UNC5C: variants seen among roughly 807,000 people sequenced by gnomAD.
UNC5C encodes the protein unc-5 netrin receptor C.
In UNC5C, 47 loss-of-function variants were observed where a neutral mutation model predicts 99.8. The observed-to-expected ratio is 0.47, with a 90% CI of 0.37 to 0.60. The LOEUF (loss-of-function observed/expected upper bound fraction) is 0.60. Ranked by LOEUF, UNC5C falls within the 20% of genes least tolerant of loss-of-function variation. The pLI, the probability that UNC5C is intolerant of heterozygous loss-of-function variation, is 0.00. For missense variants in UNC5C, 1,062 were observed against 1,165.9 expected (o/e 0.91, Z 1.30); for synonymous variants, 487 against 452.2 (o/e 1.08, Z -0.98).
At chr4:95,487,227 C>A (rs768990953) in intron 1 of UNC5C, among the ~76,000 whole-genome samples, 5 of 151,736 alleles carry the variant, frequency 3.3e-5, no homozygotes, top group Non-Finnish European at 7.4e-5. Context: ...ATTTGGGATC[C>A]TTGGTGTCTA....
chr4:95,499,082 T>A (rs567959516), intron 1 of UNC5C, among the ~76,000 whole-genome samples: 1 of 152,150 alleles, frequency 6.6e-6, no homozygotes, highest in East Asian at 1.9e-4. Context: ...GTAAGAAAAA[T>A]ATTTTAAGGT....
At chr4:95,314,801 T>C (rs1041485552) in intron 2 of UNC5C, among the ~76,000 whole-genome samples, 1 of 152,192 alleles carries the variant, frequency 6.6e-6, no homozygotes, top group Non-Finnish European at 1.5e-5. Flanking sequence ...TGATTGACTG[T>C]AAAGAAAATG....
intron 1 of UNC5C, among the ~76,000 whole-genome samples, chr4:95,402,198 A>G (rs1175223176): frequency 6.6e-6 from 1 of 152,216 alleles, no homozygotes; most frequent in Non-Finnish European, 1.5e-5. Context: ...AATTGATGCC[A>G]TTATACATCT....
intron 1 of UNC5C, among the ~76,000 whole-genome samples, chr4:95,422,608 C>T (rs976080863): frequency 1.3e-5 from 2 of 152,114 alleles, no homozygotes; most frequent in Admixed American, 6.5e-5. Flanking sequence ...CAACAACATC[C>T]GTCGCCTCAA....
chr4:95,245,713 G>A (rs377505413), intron 5 of UNC5C, among the ~76,000 whole-genome samples: 14 of 152,166 alleles, frequency 9.2e-5, no homozygotes, highest in Admixed American at 8.5e-4. Context: ...GTTACTTGGC[G>A]ATTAGTTGAT....
intron 1 of UNC5C, among the ~76,000 whole-genome samples, chr4:95,343,072 C>T (rs965099501): frequency 3.3e-5 from 5 of 152,076 alleles, no homozygotes; most frequent in East Asian, 1.9e-4. Flanking sequence ...CCTCTGGATC[C>T]GCACAGGGCT....
At chr4:95,443,346 T>A (rs1308975488) in intron 1 of UNC5C, among the ~76,000 whole-genome samples, 7 of 152,168 alleles carry the variant, frequency 4.6e-5, no homozygotes, top group Non-Finnish European at 1.0e-4. Flanking sequence ...TCAAGTATAA[T>A]TAGAAACTAC....
chr4:95,361,906 T>C (rs1042991543), intron 1 of UNC5C, among the ~76,000 whole-genome samples: 2 of 152,094 alleles, frequency 1.3e-5, no homozygotes, highest in African/African-American at 4.8e-5. Flanking sequence ...TGTTCTTCAG[T>C]GTTCTCAGAG....
chr4:95,380,711 C>T (rs1372465543), intron 1 of UNC5C, among the ~76,000 whole-genome samples: 1 of 152,186 alleles, frequency 6.6e-6, no homozygotes, highest in Non-Finnish European at 1.5e-5. Context: ...CTGTGTGTAA[C>T]AAACAATCCC....
intron 7 of UNC5C, among the ~76,000 whole-genome samples, chr4:95,234,148 C>T (rs1035987098): frequency 1.3e-5 from 2 of 152,038 alleles, no homozygotes; most frequent in African/African-American, 4.8e-5. Context: ...AATGTAAAGC[C>T]TATTTCAAAA....
intron 1 of UNC5C, among the ~76,000 whole-genome samples, chr4:95,424,364 A>G (rs1456984006): frequency 6.6e-6 from 1 of 151,968 alleles, no homozygotes; most frequent in African/African-American, 2.4e-5. Context: ...TATGAAGAGT[A>G]GGAAATACCG....
At chr4:95,372,091 C>G (rs537042851) in intron 1 of UNC5C, among the ~76,000 whole-genome samples, 2 of 152,158 alleles carry the variant, frequency 1.3e-5, no homozygotes, top group Admixed American at 1.3e-4. Flanking sequence ...CCCTAGACAC[C>G]CATGCCTGTT....
At chr4:95,396,048 C>T (rs944170375) in intron 1 of UNC5C, among the ~76,000 whole-genome samples, 5 of 152,130 alleles carry the variant, frequency 3.3e-5, no homozygotes, top group African/African-American at 4.8e-5. Context: ...AGGAACCATC[C>T]GGCAGGCTAT....
At chr4:95,376,382 T>C (rs1744896680) in intron 1 of UNC5C, among the ~76,000 whole-genome samples, 1 of 152,120 alleles carries the variant, frequency 6.6e-6, no homozygotes, top group African/African-American at 2.4e-5. Context: ...AGAAAATAGA[T>C]TCCTTTTAAA....
intron 1 of UNC5C, among the ~76,000 whole-genome samples, chr4:95,402,281 A>C (rs1745722964): frequency 6.6e-6 from 1 of 152,100 alleles, no homozygotes; most frequent in Non-Finnish European, 1.5e-5. Flanking sequence ...TATTCATCAG[A>C]TGTACATTTT....
At chr4:95,461,273 G>T (rs1382289207) in intron 1 of UNC5C, among the ~76,000 whole-genome samples, 1 of 152,196 alleles carries the variant, frequency 6.6e-6, no homozygotes, top group African/African-American at 2.4e-5. Context: ...TTCCCATGAA[G>T]TTAAGATGTG....
At chr4:95,342,791 G>A (rs1303395600) in intron 1 of UNC5C, among the ~76,000 whole-genome samples, 1 of 151,512 alleles carries the variant, frequency 6.6e-6, no homozygotes, top group Non-Finnish European at 1.5e-5. Flanking sequence ...GCCAAAGGGG[G>A]GCCCACTGCC....
chr4:95,415,629 T>C (rs1746140201), intron 1 of UNC5C, among the ~76,000 whole-genome samples: 2 of 152,196 alleles, frequency 1.3e-5, no homozygotes, highest in African/African-American at 4.8e-5. Flanking sequence ...GTAAGTTTGA[T>C]GACTCATTTT....
intron 2 of UNC5C, among the ~76,000 whole-genome samples, chr4:95,307,996 C>T (rs568506825): frequency 6.6e-6 from 1 of 152,194 alleles, no homozygotes; most frequent in Non-Finnish European, 1.5e-5. Context: ...TATGACAAGC[C>T]CAGACCTGGC....
Sources: allele counts gnomAD v4.1 joint callset (sites outside exome capture counted in the v4.1 genomes callset), GRCh38; gene constraint gnomAD v4.1.1; transcripts MANE v1.5; gene names NCBI Gene and HGNC (gene_info 2026-07-23, HGNC 2026-07-21).